Variants in CTNNA3 observed in about 807,000 individuals in gnomAD.
CTNNA3 encodes the protein catenin alpha-3.
CTNNA3 carries 76 observed loss-of-function variants against 95.7 expected under a neutral mutation model. The observed-to-expected ratio is 0.79, with a 90% CI of 0.66 to 0.96. CTNNA3 has a LOEUF of 0.96. Ranked by LOEUF, CTNNA3 falls within the 40% of genes least tolerant of loss-of-function variation. CTNNA3 has a pLI of 0.00. For synonymous variants in CTNNA3, 431 were observed against 374.4 expected (o/e 1.15, Z -1.74); for missense variants, 1,191 against 1,089.8 (o/e 1.09, Z -1.31).
chr10:66,490,024 C>T (rs753728150), intron 11 of CTNNA3, among the ~76,000 whole-genome samples: 17 of 152,200 alleles, frequency 1.1e-4, no homozygotes, highest in South Asian at 2.1e-4. Flanking sequence ...CAATTTATTT[C>T]GATAGTTTCT....
intron 11 of CTNNA3, among the ~76,000 whole-genome samples, chr10:66,415,683 C>A (rs956980508): frequency 6.6e-6 from 1 of 152,134 alleles, no homozygotes; most frequent in East Asian, 1.9e-4. Context: ...TGCACCAGAG[C>A]TTTCCTCAAT....
chr10:66,589,815 A>C (rs929052754), intron 10 of CTNNA3, among the ~76,000 whole-genome samples: 4 of 152,132 alleles, frequency 2.6e-5, no homozygotes, highest in African/African-American at 4.8e-5. Flanking sequence ...TTAATCAGAT[A>C]AAAGGAAGGA....
chr10:67,235,479 G>T (rs1865410924), intron 5 of CTNNA3, among the ~76,000 whole-genome samples: 1 of 151,520 alleles, frequency 6.6e-6, no homozygotes, highest in Non-Finnish European at 1.5e-5. Context: ...AGCTGAAACT[G>T]GATCCCTTCC....
intron 10 of CTNNA3, among the ~76,000 whole-genome samples, chr10:66,559,538 C>A (rs1453007507): frequency 6.6e-6 from 1 of 151,984 alleles, no homozygotes. Flanking sequence ...CACAGGAACA[C>A]CCCCCACACC....
At chr10:67,034,227 C>T (rs1853905798) in intron 7 of CTNNA3, among the ~76,000 whole-genome samples, 1 of 152,186 alleles carries the variant, frequency 6.6e-6, no homozygotes, top group Non-Finnish European at 1.5e-5. Flanking sequence ...ACCGGGATCA[C>T]TTTCTTTAAC....
chr10:67,316,217 A>G (rs950133220), intron 5 of CTNNA3, among the ~76,000 whole-genome samples: 1 of 152,186 alleles, frequency 6.6e-6, no homozygotes, highest in African/African-American at 2.4e-5. Context: ...ATTTTCCTAA[A>G]ATTACATCTA....
At chr10:66,292,122 ATTTATGTGTAAACACATATG>A (rs2091693287) in intron 12 of CTNNA3, among the ~76,000 whole-genome samples, 1 of 151,872 alleles carries the variant, frequency 6.6e-6, no homozygotes, top group Non-Finnish European at 1.5e-5. Flanking sequence ...CATATATATC[ATTTATGTGTAAACACATATG>A]TTTCGTATCA....
intron 7 of CTNNA3, among the ~76,000 whole-genome samples, chr10:67,006,614 T>C (rs932444351): frequency 2.0e-5 from 3 of 151,698 alleles, no homozygotes; most frequent in Non-Finnish European, 4.4e-5. Flanking sequence ...TTATGTATTA[T>C]AAAGTTTACA....
At chr10:66,426,683 T>TG (rs201624031) in intron 11 of CTNNA3, among the ~76,000 whole-genome samples, 1 of 151,400 alleles carries the variant, frequency 6.6e-6, no homozygotes, top group Non-Finnish European at 1.5e-5. Flanking sequence ...TTAACTTCTT[T>TG]CTTTATTCCA....
chr10:67,442,230 C>T lies in CTNNA3; in HGVS notation c.579+79612G>A, dbSNP rs564010536. On this transcript the variant is annotated intron_variant, in intron 5 of 17. Transcript: ENST00000433211. ...ATTGAAAAAACAGACAACAAATACA[C>T]AAAAAAATAAAAAGCAGTAAATTAA... Among the ~76,000 whole-genome samples, 72 of 151,032 alleles carry T rather than the reference C, an allele frequency of 4.8e-4. 1 individual carries two copies. The South Asian group carries it at 0.014, about 29-fold the overall frequency.
chr10:67,231,261 A>T (rs865994098), intron 5 of CTNNA3, among the ~76,000 whole-genome samples: 6 of 152,248 alleles, frequency 3.9e-5, no homozygotes, highest in Admixed American at 1.3e-4. Context: ...ACCTCTGCAG[A>T]CTTAAATGTC....
intron 7 of CTNNA3, among the ~76,000 whole-genome samples, chr10:66,805,992 T>C (rs1841625023): frequency 6.6e-6 from 1 of 152,064 alleles, no homozygotes; most frequent in Admixed American, 6.6e-5. Flanking sequence ...ATGATACTCC[T>C]CTCATACTAT....
intron 11 of CTNNA3, among the ~76,000 whole-genome samples, chr10:66,424,792 C>T (rs1288642095): frequency 6.6e-6 from 1 of 152,014 alleles, no homozygotes; most frequent in Non-Finnish European, 1.5e-5. Flanking sequence ...TTTGGGATGA[C>T]TTGTTCAAAT....
intron 17 of CTNNA3, among the ~76,000 whole-genome samples, chr10:65,961,971 A>T (rs1441075380): frequency 2.0e-5 from 3 of 152,044 alleles, no homozygotes; most frequent in African/African-American, 7.2e-5. Context: ...TTCCCTGGTG[A>T]CTTTGTGAAG....
intron 7 of CTNNA3, among the ~76,000 whole-genome samples, chr10:67,149,471 G>A (rs1227804878): frequency 6.6e-6 from 1 of 152,128 alleles, no homozygotes; most frequent in Admixed American, 6.5e-5. Flanking sequence ...TGTAGTCCCA[G>A]CTTCTCGGGA....
intron 17 of CTNNA3, among the ~76,000 whole-genome samples, chr10:65,938,963 C>T (rs548924004): frequency 4.0e-5 from 6 of 151,682 alleles, no homozygotes; most frequent in East Asian, 3.9e-4. Context: ...AATGCAGTGG[C>T]GCGATCTCGG....
intron 12 of CTNNA3, among the ~76,000 whole-genome samples, chr10:66,317,395 C>T (rs928366386): frequency 2.0e-5 from 3 of 151,832 alleles, no homozygotes; most frequent in Non-Finnish European, 2.9e-5. Context: ...AATTTTAAGC[C>T]GGGCGTGGTG....
chr10:66,365,909 C>G (rs146146951), intron 12 of CTNNA3, among the ~76,000 whole-genome samples: 12 of 152,234 alleles, frequency 7.9e-5, no homozygotes, highest in African/African-American at 2.4e-4. Flanking sequence ...GAAGCAGATT[C>G]TTTAGCCTCA....
chr10:66,942,961 G>A (rs1564784568), intron 7 of CTNNA3, among the ~76,000 whole-genome samples: 1 of 152,198 alleles, frequency 6.6e-6, no homozygotes, highest in Non-Finnish European at 1.5e-5. Flanking sequence ...CCTATAATGT[G>A]CAGGCACATA....
Sources: allele counts gnomAD v4.1 joint callset (sites outside exome capture counted in the v4.1 genomes callset), GRCh38; gene constraint gnomAD v4.1.1; transcripts MANE v1.5; gene names NCBI Gene and HGNC (gene_info 2026-07-23, HGNC 2026-07-21).